The following XYLT1 variants were observed in gnomAD, a reference collection of about 807,000 sequenced individuals.
XYLT1 encodes xylosyltransferase 1.
In XYLT1, 36 loss-of-function variants were observed where a neutral mutation model predicts 91.3. The observed-to-expected ratio is 0.39, with a 90% CI of 0.30 to 0.52. The LOEUF is 0.52. Among genes scored for constraint, XYLT1 ranks in the 20% least tolerant of loss-of-function variants. XYLT1 has a pLI of 0.68. For synonymous variants in XYLT1, 588 were observed against 532.0 expected, an observed-to-expected ratio of 1.11 and a Z score of -1.45; for missense variants, 1,242 against 1,284.5, an observed-to-expected ratio of 0.97 and a Z score of 0.51.
At chr16:17,286,520 T>C (rs2034142542) in intron 2 of XYLT1, among the ~76,000 whole-genome samples, 1 of 152,232 alleles carries the variant, frequency 6.6e-6, no homozygotes. Context: ...GTCACCCATG[T>C]GGATCCTTGA....
In XYLT1 at chr16:17,127,841, G is replaced by A. The variant is rs1480839662; in HGVS notation, c.2048C>T (p.Pro683Leu). 2 of 1,613,946 alleles carry A rather than the reference G, an allele frequency of 1.2e-6. No individual in the cohort carries two copies. The highest frequency in any genetic ancestry group is 1.1e-5 in the South Asian group (1 of 91,052). The change falls in exon 10 of 12, where the codon CCA (proline) becomes CTA (leucine). Residue 683 changes from proline to leucine, a missense_variant. Physicochemically the swap from Pro to Leu is moderately conservative, Grantham distance 98. Transcript: ENST00000261381. ...NSCRYYPMGH[P>L]ASVHLYFLAD... The stretch of plus-strand genomic sequence containing the variant: ...AAGGAAGTAGAGGTGCACAGATGCT[G>A]GGTGGCCCATTGGGTAGTATCTGAA...
At chr16:17,261,199 C>G (rs1345047626) in intron 2 of XYLT1, among the ~76,000 whole-genome samples, 1 of 143,980 alleles carries the variant, frequency 6.9e-6, no homozygotes, top group Middle Eastern at 3.3e-3. Flanking sequence ...GCTGAGATTG[C>G]ACCAATGTAT....
At chr16:17,267,125 G>A (rs2033818905) in intron 2 of XYLT1, among the ~76,000 whole-genome samples, 1 of 152,216 alleles carries the variant, frequency 6.6e-6, no homozygotes, top group South Asian at 2.1e-4. Context: ...AGGAAGGAGT[G>A]AGACTGATAG....
At chr16:17,293,491 C>CTTTTTTTT (rs548581536) in intron 2 of XYLT1, among the ~76,000 whole-genome samples, 1 of 119,100 alleles carries the variant, frequency 8.4e-6, no homozygotes. Context: ...TTTCTCCCTC[C>CTTTTTTTT]TTTTTTTTTT....
At position 17,105,606 on chromosome 16, in the gene XYLT1, A is replaced by C. The variant is rs999486000; in HGVS notation, c.*3089T>G. The C allele has an allele frequency of 4.6e-5, 7 of 151,928 alleles. No individual in the cohort carries two copies. The highest frequency in any genetic ancestry group is 4.6e-4 in the Admixed American group (7 of 15,234). The allele number at this position is 151,928 out of a possible 1,614,324, so 9.4% of individuals were successfully genotyped here. A position where few individuals can be genotyped will look rare whatever the true frequency, so the allele number is the denominator to read the frequency against. On this transcript the variant is annotated 3_prime_UTR_variant, in exon 12 of 12. Transcript: ENST00000261381. ...GCCTGAATGTCACTCGGTGGGTGGG[A>C]AACTATAAGGAGTGCCGCAGCCTAA...
At chr16:17,425,175 A>G (rs2036300939) in intron 1 of XYLT1, among the ~76,000 whole-genome samples, 1 of 152,098 alleles carries the variant, frequency 6.6e-6, no homozygotes, top group South Asian at 2.1e-4. Context: ...GCACCTCGTA[A>G]ACAGCAGGGC....
At chr16:17,335,821 G>A (rs2034972146) in intron 2 of XYLT1, among the ~76,000 whole-genome samples, 2 of 151,818 alleles carry the variant, frequency 1.3e-5, no homozygotes, top group Non-Finnish European at 1.5e-5. Flanking sequence ...TACTTCAATG[G>A]CTTAATTTAA....
At chr16:17,425,335 A>G (rs900068876) in intron 1 of XYLT1, among the ~76,000 whole-genome samples, 2 of 152,192 alleles carry the variant, frequency 1.3e-5, no homozygotes, top group Admixed American at 6.5e-5. Context: ...AAGGCTGCTC[A>G]TTAACATCGT....
chr16:17,223,076 C>A (rs986155233), intron 3 of XYLT1, among the ~76,000 whole-genome samples: 1 of 152,050 alleles, frequency 6.6e-6, no homozygotes, highest in Non-Finnish European at 1.5e-5. Context: ...TGTTAAGTGC[C>A]TCTCTCTGTC....
intron 9 of XYLT1, among the ~76,000 whole-genome samples, chr16:17,132,457 C>T (rs2030519365): frequency 6.7e-6 from 1 of 150,314 alleles, no homozygotes; most frequent in African/African-American, 2.5e-5. Flanking sequence ...TCACACACAG[C>T]AGGTTCACTG....
In XYLT1 at chr16:17,133,814, G is replaced by A. The variant is rs1055235193; in HGVS notation, c.2027+659C>T. The stretch of plus-strand genomic sequence containing the variant: ...CTTTCCTGAAGTGTTGGCAGTTAGT[G>A]GTAGATGAGACAATTGTAAGGGGTG... On this transcript the variant is annotated intron_variant, in intron 9 of 11. Coordinates refer to ENST00000261381, the MANE Select transcript of XYLT1 (RefSeq NM_022166.4). Among the ~76,000 whole-genome samples the A allele has an allele frequency of 2.4e-4, 36 of 152,146 alleles. 2 individuals are homozygous for A.
At chr16:17,410,644 AC>A (rs1364161377) in intron 1 of XYLT1, among the ~76,000 whole-genome samples, 5 of 140,492 alleles carry the variant, frequency 3.6e-5, no homozygotes, top group African/African-American at 1.3e-4. Context: ...ACCTGTCATT[AC>A]TTTTTTTTTT....
intron 5 of XYLT1, among the ~76,000 whole-genome samples, chr16:17,181,818 G>C (rs1394173048): frequency 1.3e-5 from 2 of 151,952 alleles, no homozygotes; most frequent in Non-Finnish European, 2.9e-5. Context: ...TTGGGGCCAC[G>C]ATGAGTTACC....
intron 2 of XYLT1, among the ~76,000 whole-genome samples, chr16:17,278,553 T>C (rs2034011337): frequency 6.6e-6 from 1 of 152,214 alleles, no homozygotes; most frequent in Admixed American, 6.5e-5. Context: ...AACTTTCTGC[T>C]AACTTTCCCA....
chr16:17,449,572 G>T (rs534906355), intron 1 of XYLT1, among the ~76,000 whole-genome samples: 2 of 152,232 alleles, frequency 1.3e-5, no homozygotes, highest in African/African-American at 2.4e-5. Context: ...TCCCCTCTCT[G>T]TGCCTCACTT....
chr16:17,138,249 T>G (rs2030831407), intron 8 of XYLT1, 106 bp downstream of exon 8: 1 of 1,353,238 alleles, frequency 7.4e-7, no homozygotes, highest in East Asian at 2.4e-5. Flanking sequence ...CAGCCAGGTT[T>G]GGGCACCATG....
chr16:17,392,350 G>A (rs1005558435), intron 1 of XYLT1, among the ~76,000 whole-genome samples: 5 of 152,066 alleles, frequency 3.3e-5, no homozygotes, highest in African/African-American at 9.7e-5. Context: ...TGGCTTCCTG[G>A]TCGTTGAGGT....
chr16:17,347,067 C>T (rs993989934), intron 2 of XYLT1, among the ~76,000 whole-genome samples: 3 of 152,218 alleles, frequency 2.0e-5, no homozygotes, highest in Non-Finnish European at 4.4e-5. Flanking sequence ...ACCACCTGGT[C>T]TGGAGAAGCA....
chr16:17,273,484 C>G (rs1318906201), intron 2 of XYLT1, among the ~76,000 whole-genome samples: 1 of 152,168 alleles, frequency 6.6e-6, no homozygotes, highest in African/African-American at 2.4e-5. Flanking sequence ...CAGGCCCCAG[C>G]CTGGACCACA....
Sources: gnomAD v4.1 joint callset for allele counts (sites outside exome capture counted in the v4.1 genomes callset) on GRCh38, gnomAD v4.1.1 for gene constraint, MANE v1.5 for transcripts, NCBI Gene and HGNC (gene_info 2026-07-23, HGNC 2026-07-21) for gene names.